Variants in KCTD1 observed in about 807,000 individuals in gnomAD.
The protein encoded by KCTD1 is potassium channel tetramerization domain containing 1, also known as BTB/POZ domain-containing protein KCTD1.
In KCTD1, 24 loss-of-function variants were observed where a neutral mutation model predicts 66.0. The ratio of observed to expected loss-of-function variants is 0.36; its 90% CI spans 0.26 to 0.51. The LOEUF (loss-of-function observed/expected upper bound fraction) is 0.51, where lower values mean the gene tolerates loss of function less well. Ranked by LOEUF, KCTD1 falls within the 20% of genes least tolerant of loss-of-function variation. The pLI, the probability that KCTD1 is intolerant of heterozygous loss-of-function variation, is 0.95. For synonymous variants in KCTD1, 511 were observed against 517.2 expected (o/e 0.99, Z 0.16); for missense variants, 943 against 1,205.2 (o/e 0.78, Z 3.22).
chr18:26,480,627 G>A (rs1441514752), intron 2 of KCTD1, among the ~76,000 whole-genome samples: 1 of 152,090 alleles, frequency 6.6e-6, no homozygotes, highest in Non-Finnish European at 1.5e-5. Context: ...AATTAGCCGG[G>A]CGTGGTGGCA....
At chr18:26,602,273 T>C (rs1047686213) in intron 1 of KCTD1, among the ~76,000 whole-genome samples, 1 of 152,222 alleles carries the variant, frequency 6.6e-6, no homozygotes, top group Non-Finnish European at 1.5e-5. Flanking sequence ...TTGATTTTCA[T>C]GTTAAACCAA....
At chr18:26,522,611 CTG>C in intron 1 of KCTD1, among the ~76,000 whole-genome samples, 1 of 152,282 alleles carries the variant, frequency 6.6e-6, no homozygotes, top group South Asian at 2.1e-4. Context: ...CTTCAACCAA[CTG>C]TAACTTTCTC....
At chr18:26,592,900 T>G (rs1986641172) in intron 1 of KCTD1, among the ~76,000 whole-genome samples, 1 of 152,158 alleles carries the variant, frequency 6.6e-6, no homozygotes, top group Admixed American at 6.5e-5. Flanking sequence ...AGCCTTATAT[T>G]CTTTGTCTGT....
At chr18:26,566,770 A>G (rs2144889024) in intron 1 of KCTD1, 1 of 139,174 alleles carries the variant, frequency 7.2e-6, no homozygotes, top group African/African-American at 2.7e-5. Context: ...CACAACTGGC[A>G]TTTCCCCTGG....
rs962155707 is a variant in KCTD1, at chr18:26,599,398, C to G, written c.-16+29749G>C. ...AGTTTTTAGGTCTGTCAGTACTGCA[C>G]TGCAAGAATGGCAGATTTTGGGATC... On this transcript the variant is annotated intron_variant, in intron 1 of 4. Coordinates refer to the KCTD1 transcript ENST00000317932. The G allele has an allele frequency of 1.7e-5, 27 of 1,610,964 alleles. No individual in the cohort carries two copies. In the Admixed American group the frequency reaches 2.3e-4, roughly 14 times the overall value.
chr18:26,487,875 A>G (rs984635281), intron 2 of KCTD1, among the ~76,000 whole-genome samples: 3 of 152,226 alleles, frequency 2.0e-5, no homozygotes, highest in Non-Finnish European at 4.4e-5. Flanking sequence ...TCAAGAAATA[A>G]AAGTTTCCCA....
intron 1 of KCTD1, among the ~76,000 whole-genome samples, chr18:26,608,620 G>A (rs528964929): frequency 2.6e-5 from 4 of 152,030 alleles, no homozygotes; most frequent in African/African-American, 4.8e-5. Flanking sequence ...CCCCCAGCCC[G>A]CTGCCCCCTC....
chr18:26,626,757 G>A (rs1446831747), intron 1 of KCTD1, among the ~76,000 whole-genome samples: 1 of 152,106 alleles, frequency 6.6e-6, no homozygotes, highest in Non-Finnish European at 1.5e-5. Flanking sequence ...ATATAGACAC[G>A]AGTCCCTGTG....
At chr18:26,515,093 C>A (rs544227551) in intron 1 of KCTD1, among the ~76,000 whole-genome samples, 2 of 152,280 alleles carry the variant, frequency 1.3e-5, no homozygotes, top group South Asian at 4.1e-4. Context: ...TAAAAACCAA[C>A]AAGAGTACAA....
chr18:26,532,286 T>TGAGACAGGGCC (rs1984487004), intron 1 of KCTD1, among the ~76,000 whole-genome samples: 1 of 112,712 alleles, frequency 8.9e-6, no homozygotes, highest in South Asian at 2.8e-4. Flanking sequence ...TTTTTTTTTT[T>TGAGACAGGGCC]TGAGACAGGG....
intron 1 of KCTD1, among the ~76,000 whole-genome samples, chr18:26,572,259 C>T (rs541337762): frequency 1.3e-4 from 20 of 152,192 alleles, no homozygotes; most frequent in African/African-American, 4.6e-4. Context: ...AGGGTTTCAC[C>T]ATATTGGTCA....
intron 1 of KCTD1, among the ~76,000 whole-genome samples, chr18:26,588,327 A>AAGGGAAGGGAAGGGAAGGGAAGGGAAG (rs1986517366): frequency 1.8e-5 from 2 of 111,038 alleles, no homozygotes; most frequent in Non-Finnish European, 3.9e-5. Context: ...GGGAAGGGAA[A>AAGGGAAGGGAAGGGAAGGGAAGGGAAG]GGGAGGGGAG....
At chr18:26,620,635 C>T (rs1987360201) in intron 1 of KCTD1, among the ~76,000 whole-genome samples, 1 of 151,658 alleles carries the variant, frequency 6.6e-6, no homozygotes, top group South Asian at 2.1e-4. Context: ...AGGGTTTCGC[C>T]ATGTTGCCCA....
chr18:26,629,369 T>C (rs939093604), upstream of KCTD1: 1 of 178,550 alleles, frequency 5.6e-6, no homozygotes, highest in Admixed American at 6.5e-5. Flanking sequence ...ATAATATTGA[T>C]TGAATGCAAT....
At chr18:26,480,617 A>C (rs1363554598) in intron 2 of KCTD1, among the ~76,000 whole-genome samples, 1 of 151,990 alleles carries the variant, frequency 6.6e-6, no homozygotes, top group Non-Finnish European at 1.5e-5. Context: ...AAAATACAAA[A>C]ATTAGCCGGG....
intron 1 of KCTD1, among the ~76,000 whole-genome samples, chr18:26,516,273 A>G (rs566514044): frequency 7.2e-5 from 11 of 152,350 alleles, no homozygotes; most frequent in African/African-American, 2.4e-4. Flanking sequence ...ACCTGTTTAC[A>G]TACATATTCA....
At chr18:26,549,266 G>T (rs1173334139), upstream of KCTD1, 4 of 985,890 alleles carry the variant, frequency 4.1e-6, no homozygotes, top group South Asian at 4.6e-5. Flanking sequence ...AGGCGCGGGG[G>T]CCTGGGGCCA....
intron 1 of KCTD1, among the ~76,000 whole-genome samples, chr18:26,613,113 A>G (rs1006403445): frequency 7.9e-5 from 12 of 152,176 alleles, no homozygotes; most frequent in Admixed American, 3.9e-4. Context: ...GCATGACAGG[A>G]GTGCAATACG....
chr18:26,657,426 AT>A, upstream of KCTD1: 1 of 982,192 alleles, frequency 1.0e-6, no homozygotes, highest in Non-Finnish European at 1.2e-6. Context: ...CCCTTTTCCG[AT>A]TTCTCTCCCA....
Sources: allele counts gnomAD v4.1 joint callset (sites outside exome capture counted in the v4.1 genomes callset), GRCh38; gene constraint gnomAD v4.1.1; transcripts MANE v1.5; gene names NCBI Gene and HGNC (gene_info 2026-07-23, HGNC 2026-07-21).